The following FAM162B variants were observed in gnomAD, a reference collection of about 807,000 sequenced individuals.
FAM162B encodes protein FAM162B.
In FAM162B, 16 loss-of-function variants were observed where a neutral mutation model predicts 20.0. The observed-to-expected ratio is 0.80, with a 90% CI of 0.54 to 1.21. FAM162B has a LOEUF of 1.21. FAM162B is among the 50% of genes most tolerant of loss of function. The pLI is 0.00. For missense variants in FAM162B, 260 were observed against 227.5 expected, an observed-to-expected ratio of 1.14 and a Z score of -0.92; for synonymous variants, 83 against 89.7, an observed-to-expected ratio of 0.93 and a Z score of 0.42.
At chr6:116,760,704 T>G (rs1259280694) in intron 3 of FAM162B, among the ~76,000 whole-genome samples, 2 of 152,234 alleles carry the variant, frequency 1.3e-5, no homozygotes, top group African/African-American at 4.8e-5. Context: ...TGCTTGAGTG[T>G]TCAGTCCAGT....
intron 1 of FAM162B, 52 bp from the exon 2 acceptor site, chr6:116,765,307 G>A: frequency 6.3e-7 from 1 of 1,588,446 alleles, no homozygotes; most frequent in Non-Finnish European, 8.6e-7. Context: ...CCGGCACAGA[G>A]GATCAGCGCG....
intron 1 of FAM162B, 21 bp from the exon 2 acceptor site, chr6:116,765,276 A>G: frequency 6.2e-7 from 1 of 1,610,980 alleles, no homozygotes; most frequent in East Asian, 2.2e-5. Context: ...AGCAACCCAG[A>G]TGGACGCGGG....
intron 2 of FAM162B, among the ~76,000 whole-genome samples, chr6:116,763,779 T>TA (rs990740397): frequency 1.6e-4 from 24 of 150,132 alleles, no homozygotes; most frequent in African/African-American, 5.7e-4. Flanking sequence ...TATTTTAATT[T>TA]TTTTTTTTTT....
chr6:116,765,255 C>T lies in FAM162B; in HGVS notation c.173G>A (p.Gly58Glu), dbSNP rs747332119. Reference protein sequence around the residue: ...APSNSGPQGHGEIHRVPTQRR... With the variant: ...APSNSGPQGHEEIHRVPTQRR... ...CTGCGTGGGGACTCGGTGAATCTCC[C>T]CTGCAGCGAAAGCAACCCAGATGGA... Residue 58 changes from glycine (G) to glutamate (E), a missense_variant and splice_region_variant, in exon 2 of 4, where the codon GGG (glycine) becomes GAG (glutamate). Transcript: ENST00000368557. 18 of 1,613,350 alleles carry T rather than the reference C, an allele frequency of 1.1e-5. No individual in the cohort carries two copies. The Middle Eastern group carries it at 1.5e-3, about 133-fold the overall frequency.
chr6:116,752,631 T>C lies in FAM162B; in HGVS notation c.455A>G (p.Glu152Gly). 1.9e-6 allele frequency: 3 copies of C among 1,595,688 alleles called. No homozygotes were observed. Among genetic ancestry groups the C allele is most frequent in the Non-Finnish European group, 2.6e-6 (3 of 1,169,458 alleles). Residue 152 changes from glutamate to glycine, a missense_variant, in exon 4 of 4, where the codon GAA (glutamate) becomes GGA (glycine). Transcript: ENST00000368557. The stretch of plus-strand genomic sequence containing the variant: ...TTTAGCCTGTGCAGCCAATGCAGCT[T>C]CTTCACGCCACTTAGCTTTCTTTGC... ...NLAKKAKWREEAALAAQAKAK is the reference protein window; with the variant it reads ...NLAKKAKWREGAALAAQAKAK
Position 116,765,505 on chromosome 6 carries a change from A to T in FAM162B, c.72T>A (p.Pro24=). The T allele has an allele frequency of 7.1e-7, 1 of 1,401,212 alleles. No individual in the cohort carries two copies. Among genetic ancestry groups the T allele is most frequent in the African/African-American group, 1.5e-5 (1 of 66,120 alleles). 86.8% of individuals were successfully genotyped at this position (1,401,212 alleles called of 1,614,324 possible). A position where few individuals can be genotyped will look rare whatever the true frequency, so the allele number is the denominator to read the frequency against. ...GLTVRCGPGA[P]LEATRRPAPA... ...GTGCGGGCCGTCGCGTGGCCTCGAG[A>T]GGCGCCCCGGGGCCGCAGCGGACTG... is the stretch of plus-strand genomic sequence containing the variant. Residue 24 remains proline, a synonymous_variant, in exon 1 of 4, where the codon CCT becomes CCA. Transcript: ENST00000368557.
chr6:116,762,035 T>C lies in FAM162B; in HGVS notation c.332A>G (p.Tyr111Cys). Residue 111 changes from tyrosine (Y) to cysteine (C), a missense_variant, in exon 3 of 4, where the codon TAC becomes TGC. Tyr to Cys is a radical substitution (Grantham distance 194). Coordinates refer to ENST00000368557, the MANE Select transcript of FAM162B (RefSeq NM_001085480.3). The stretch of plus-strand genomic sequence containing the variant: ...GATAATTGTGAGTCCAATCATTATG[T>C]AACAAGCTTTCACTCGAGCTTTGTT... The part of the protein sequence containing the change: ...ARNKARVKAC[Y>C]IMIGLTIIAC... 1 of 1,602,020 alleles carries C rather than the reference T, an allele frequency of 6.2e-7. No homozygotes were observed. Among genetic ancestry groups the C allele is most frequent in the Non-Finnish European group, 8.5e-7 (1 of 1,170,896 alleles).
intron 2 of FAM162B, among the ~76,000 whole-genome samples, chr6:116,763,598 C>A (rs590572): frequency 0.55 from 82,955 of 151,832 alleles, 23,486 homozygotes; most frequent in African/African-American, 0.69. Flanking sequence ...GGGGAAATTA[C>A]ATTATTTCTG....
At chr6:116,752,723 T>C (rs1352188021) in intron 3 of FAM162B, 28 bp from the exon 4 acceptor site, 1 of 635,150 alleles carries the variant, frequency 1.6e-6, no homozygotes, top group Non-Finnish European at 2.3e-6. Context: ...TATATATATA[T>C]ATATATATAT....
chr6:116,759,777 A>G (rs1780116815), intron 3 of FAM162B, among the ~76,000 whole-genome samples: 2 of 152,016 alleles, frequency 1.3e-5, no homozygotes, highest in Non-Finnish European at 2.9e-5. Flanking sequence ...GTCTCATACC[A>G]TCTTCTCTTT....
chr6:116,760,542 C>G (rs1290202345), intron 3 of FAM162B, among the ~76,000 whole-genome samples: 1 of 152,064 alleles, frequency 6.6e-6, no homozygotes, highest in South Asian at 2.1e-4. Flanking sequence ...TCTAAGTAAA[C>G]AAATTGTCTA....
At chr6:116,753,337 ATGAAT>A (rs1780013420) in intron 3 of FAM162B, among the ~76,000 whole-genome samples, 1 of 152,172 alleles carries the variant, frequency 6.6e-6, no homozygotes, top group South Asian at 2.1e-4. Flanking sequence ...AAAATGAAAA[ATGAAT>A]TGGAGACAGG....
chr6:116,753,735 A>C (rs936206375), intron 3 of FAM162B, among the ~76,000 whole-genome samples: 1 of 152,194 alleles, frequency 6.6e-6, no homozygotes, highest in East Asian at 1.9e-4. Flanking sequence ...GGAATATAGA[A>C]GGTGTTTAAA....
chr6:116,760,346 GA>G (rs1780125799), intron 3 of FAM162B, among the ~76,000 whole-genome samples: 1 of 152,116 alleles, frequency 6.6e-6, no homozygotes, highest in Non-Finnish European at 1.5e-5. Flanking sequence ...AACAGGAAAT[GA>G]AAAAACCTTT....
intron 3 of FAM162B, among the ~76,000 whole-genome samples, chr6:116,754,978 A>G (rs532287840): frequency 6.6e-6 from 1 of 152,012 alleles, no homozygotes; most frequent in African/African-American, 2.4e-5. Flanking sequence ...CACTCCATCC[A>G]CTGGCCAGTC....
intron 3 of FAM162B, among the ~76,000 whole-genome samples, chr6:116,753,509 C>T (rs1780015213): frequency 1.3e-5 from 2 of 151,974 alleles, no homozygotes; most frequent in Non-Finnish European, 2.9e-5. Context: ...CCACGAGCAG[C>T]TAGAAAGATA....
intron 3 of FAM162B, among the ~76,000 whole-genome samples, chr6:116,760,587 T>C (rs73765849): frequency 1.6e-4 from 24 of 152,326 alleles, no homozygotes; most frequent in African/African-American, 5.8e-4. Context: ...GATGAGGCAA[T>C]ACACTAATCA....
Position 116,752,566 on chromosome 6 carries a change from T to C in FAM162B, c.*31A>G. On this transcript the variant is annotated 3_prime_UTR_variant, in exon 4 of 4. Coordinates refer to ENST00000368557, the MANE Select transcript of FAM162B (RefSeq NM_001085480.3). ...CTACTGTTGCTGATGACAGGGATGG[T>C]ATTCAGGTGAACACTTTGTCACTTA... 1 of 1,237,864 alleles carries C rather than the reference T, an allele frequency of 8.1e-7. No homozygotes were observed. The highest frequency in any genetic ancestry group is 1.1e-6 in the Non-Finnish European group (1 of 877,628). The allele number at this position is 1,237,864 out of a possible 1,614,324, so 76.7% of individuals were successfully genotyped here.
At position 116,752,547 on chromosome 6, in the gene FAM162B, T is replaced by C; in HGVS notation, c.*50A>G. 12 of 981,568 alleles carry C rather than the reference T, an allele frequency of 1.2e-5. No homozygotes were observed. Among genetic ancestry groups the C allele is most frequent in the Non-Finnish European group, 1.8e-5 (12 of 674,276 alleles). 60.8% of individuals were successfully genotyped at this position (981,568 alleles called of 1,614,324 possible). A position where few individuals can be genotyped will look rare whatever the true frequency, so the allele number is the denominator to read the frequency against. On this transcript the variant is annotated 3_prime_UTR_variant, in exon 4 of 4. Transcript: ENST00000368557. ...ATTCTATTTTTCCCATCTTCTACTG[T>C]TGCTGATGACAGGGATGGTATTCAG...
Sources: gnomAD v4.1 joint callset for allele counts (sites outside exome capture counted in the v4.1 genomes callset) on GRCh38, gnomAD v4.1.1 for gene constraint, MANE v1.5 for transcripts, NCBI Gene and HGNC (gene_info 2026-07-23, HGNC 2026-07-21) for gene names.